The following FSTL5 variants were observed in gnomAD, a reference collection of about 807,000 sequenced individuals.
The protein encoded by FSTL5 is follistatin-related protein 5.
FSTL5 carries 62 observed loss-of-function variants against 89.1 expected under a neutral mutation model. The ratio of observed to expected loss-of-function variants is 0.70; its 90% CI spans 0.57 to 0.86. The LOEUF (loss-of-function observed/expected upper bound fraction) is 0.86. FSTL5 is among the 40% of genes least tolerant of loss of function. The pLI is 0.00. For missense variants in FSTL5, 1,057 were observed against 1,001.6 expected (o/e 1.06, Z -0.75); for synonymous variants, 383 against 346.2 (o/e 1.11, Z -1.18).
At chr4:161,454,982 G>C (rs369700670) in intron 15 of FSTL5, 22 bp downstream of exon 15, 8 of 1,607,786 alleles carry the variant, frequency 5.0e-6, no homozygotes, top group Non-Finnish European at 6.8e-6. Context: ...TTAAAAAGTT[G>C]ATCACTCAAC....
chr4:161,677,648 G>A (rs78456722), intron 6 of FSTL5, among the ~76,000 whole-genome samples: 1,959 of 152,048 alleles, frequency 0.013, 47 homozygotes, highest in African/African-American at 0.045. Flanking sequence ...CCGAAAGAGT[G>A]TTCCTCTTCT....
intron 4 of FSTL5, among the ~76,000 whole-genome samples, chr4:161,913,254 C>A (rs1453037230): frequency 2.0e-5 from 3 of 152,136 alleles, no homozygotes; most frequent in Non-Finnish European, 4.4e-5. Context: ...TGTCTCCAGG[C>A]CATGCCAGAG....
chr4:161,424,898 T>A (rs1428338725), intron 15 of FSTL5, among the ~76,000 whole-genome samples: 3 of 152,238 alleles, frequency 2.0e-5, no homozygotes, highest in Admixed American at 2.0e-4. Flanking sequence ...CTTTAACCCT[T>A]CAAAGAAAAG....
intron 4 of FSTL5, among the ~76,000 whole-genome samples, chr4:161,893,911 CA>C (rs1733068974): frequency 6.6e-6 from 1 of 152,036 alleles, no homozygotes; most frequent in Non-Finnish European, 1.5e-5. Context: ...TTCAGACTGG[CA>C]GCCAAAACCA....
intron 1 of FSTL5, among the ~76,000 whole-genome samples, chr4:162,134,648 C>G (rs1454300084): frequency 1.3e-5 from 2 of 152,160 alleles, no homozygotes; most frequent in East Asian, 3.9e-4. Flanking sequence ...ATTTCATAGT[C>G]CCATTCACTT....
At chr4:161,560,945 T>C (rs1462795340) in intron 8 of FSTL5, among the ~76,000 whole-genome samples, 1 of 152,010 alleles carries the variant, frequency 6.6e-6, no homozygotes, top group African/African-American at 2.4e-5. Context: ...TTATTATTAT[T>C]ATCAAGTATT....
At chr4:161,819,306 G>GT (rs918416350) in intron 4 of FSTL5, among the ~76,000 whole-genome samples, 1 of 151,788 alleles carries the variant, frequency 6.6e-6, no homozygotes, top group African/African-American at 2.4e-5. Flanking sequence ...ATAAGCAATA[G>GT]TTTTTTTTGT....
intron 2 of FSTL5, among the ~76,000 whole-genome samples, chr4:162,088,770 G>C (rs1410152049): frequency 1.3e-5 from 2 of 152,058 alleles, no homozygotes; most frequent in African/African-American, 2.4e-5. Flanking sequence ...GCTTTCTCCA[G>C]AACTATAAAT....
intron 15 of FSTL5, among the ~76,000 whole-genome samples, chr4:161,421,559 T>C (rs532659415): frequency 6.6e-6 from 1 of 152,278 alleles, no homozygotes; most frequent in South Asian, 2.1e-4. Flanking sequence ...GGACCTGTGA[T>C]GCTTAATTTT....
At chr4:161,540,127 T>C (rs977701667) in intron 9 of FSTL5, among the ~76,000 whole-genome samples, 8 of 152,144 alleles carry the variant, frequency 5.3e-5, no homozygotes, top group Non-Finnish European at 1.2e-4. Flanking sequence ...CTTTATCTAT[T>C]TATCATCCTG....
intron 3 of FSTL5, among the ~76,000 whole-genome samples, chr4:161,944,808 T>C (rs1734692888): frequency 6.6e-6 from 1 of 151,804 alleles, no homozygotes; most frequent in Non-Finnish European, 1.5e-5. Flanking sequence ...ATAATTTTGT[T>C]TGTTTTTATG....
At chr4:161,776,306 T>C (rs1317264162) in intron 4 of FSTL5, among the ~76,000 whole-genome samples, 1 of 152,086 alleles carries the variant, frequency 6.6e-6, no homozygotes, top group Non-Finnish European at 1.5e-5. Flanking sequence ...GTAGTTTGTT[T>C]ATGAGGAAGG....
chr4:161,473,776 C>T (rs146679473), intron 13 of FSTL5, among the ~76,000 whole-genome samples: 62 of 152,258 alleles, frequency 4.1e-4, no homozygotes, highest in African/African-American at 1.4e-3. Context: ...AGTATAGTTA[C>T]CTCTCCGTTT....
At position 161,481,136 on chromosome 4, in the gene FSTL5, C is replaced by T. The variant is rs1164454924; in HGVS notation, c.1492G>A (p.Val498Ile). The T allele has an allele frequency of 6.2e-7, 1 of 1,611,588 alleles. No individual in the cohort carries two copies. The highest frequency in any genetic ancestry group is 2.2e-5 in the East Asian group (1 of 44,778). The change falls in exon 13 of 16, where the codon GTT becomes ATT. Residue 498 changes from valine to isoleucine, a missense_variant. By Grantham distance (29) the Val-to-Ile change is conservative (BLOSUM62 3). This residue lies in a region of FSTL5 where 980 missense variants were observed against 903.2 expected (regional missense o/e 1.08). Coordinates refer to ENST00000306100, the MANE Select transcript of FSTL5 (RefSeq NM_020116.5). The part of the protein sequence containing the change: ...EVCPKAEGDE[V>I]QRCVWASAVN... ...GCTGATGCCCACACACACCTCTGAA[C>T]TTCATCTCCCTCAGCTTTGGGACAG...
intron 3 of FSTL5, among the ~76,000 whole-genome samples, chr4:161,931,360 A>G (rs563845976): frequency 1.3e-5 from 2 of 152,048 alleles, no homozygotes; most frequent in South Asian, 4.1e-4. Context: ...AAGAACAGCT[A>G]TAAGAAATCA....
chr4:161,401,970 A>G, intron 15 of FSTL5, among the ~76,000 whole-genome samples: 1 of 152,134 alleles, frequency 6.6e-6, no homozygotes, highest in East Asian at 1.9e-4. Flanking sequence ...TATTTTACTA[A>G]TTGATTTTAA....
intron 5 of FSTL5, among the ~76,000 whole-genome samples, chr4:161,764,900 G>A (rs568905250): frequency 3.3e-5 from 5 of 152,192 alleles, no homozygotes; most frequent in African/African-American, 7.2e-5. Flanking sequence ...TACGAACAGC[G>A]CTTAAAAAAT....
Position 161,991,426 on chromosome 4 carries a change from T to A in FSTL5, c.160+42199A>T, listed in dbSNP as rs376342596. On this transcript the variant is annotated intron_variant, in intron 3 of 15. Coordinates refer to ENST00000306100, the MANE Select transcript of FSTL5 (RefSeq NM_020116.5). ...CAATACTTCTGCTGGAAGATAGTGA[T>A]TTGGTCTAACATTTTAAGATATAAA... Among the ~76,000 whole-genome samples, 50 of 152,278 alleles carry A rather than the reference T, an allele frequency of 3.3e-4. No homozygotes were observed. In the East Asian group the frequency reaches 7.9e-3, roughly 24 times the overall value.
intron 6 of FSTL5, among the ~76,000 whole-genome samples, chr4:161,701,455 T>C (rs1408253460): frequency 2.0e-5 from 3 of 151,868 alleles, no homozygotes; most frequent in African/African-American, 7.3e-5. Flanking sequence ...CTTTCACAAG[T>C]AAAACTAAGG....
Sources: gnomAD v4.1 joint callset for allele counts (sites outside exome capture counted in the v4.1 genomes callset) on GRCh38, gnomAD v4.1.1 for gene constraint, gnomAD v4.1.1 regional missense constraint, MANE v1.5 for transcripts, NCBI Gene and HGNC (gene_info 2026-07-23, HGNC 2026-07-21) for gene names.